Variants in CDH18 observed in about 807,000 individuals in gnomAD.
CDH18 encodes cadherin-18.
Under a neutral mutation model 67.9 loss-of-function variants are expected in CDH18, and 31 were observed. The observed-to-expected ratio is 0.46, with a 90% confidence interval of 0.34 to 0.62. CDH18 has a LOEUF of 0.62. CDH18 is among the 20% of genes least tolerant of loss of function. The probability of loss-of-function intolerance (pLI) is 0.01; values close to 1 mark genes in which losing one functional copy is unlikely to be tolerated. For missense variants in CDH18, 890 were observed against 975.5 expected (o/e 0.91, Z 1.17); for synonymous variants, 362 against 347.2 (o/e 1.04, Z -0.48).
intron 8 of CDH18, among the ~76,000 whole-genome samples, chr5:19,566,118 A>AAAGGT (rs1740346544): frequency 6.6e-6 from 1 of 152,210 alleles, no homozygotes. Context: ...AGACATATAA[A>AAAGGT]AAGGTGCTTA....
chr5:19,916,872 T>C (rs1480137710), intron 2 of CDH18, among the ~76,000 whole-genome samples: 2 of 152,200 alleles, frequency 1.3e-5, no homozygotes, highest in Admixed American at 6.6e-5. Context: ...GCTAAGATTC[T>C]GTTTTATACA....
intron 8 of CDH18, among the ~76,000 whole-genome samples, chr5:19,557,054 G>GA (rs1198712408): frequency 6.6e-6 from 1 of 151,924 alleles, no homozygotes; most frequent in East Asian, 1.9e-4. Context: ...TAAATGAAGG[G>GA]AAAATACAGT....
intron 2 of CDH18, among the ~76,000 whole-genome samples, chr5:20,061,686 G>A (rs1378565051): frequency 1.3e-5 from 2 of 152,082 alleles, no homozygotes; most frequent in African/African-American, 4.8e-5. Flanking sequence ...TAAGACTATA[G>A]GTAAAAATAT....
chr5:20,458,925 T>TA (rs776797854), intron 1 of CDH18, among the ~76,000 whole-genome samples: 4 of 152,190 alleles, frequency 2.6e-5, no homozygotes, highest in Non-Finnish European at 5.9e-5. Flanking sequence ...TGTACGTGTG[T>TA]ATATTAACAC....
intron 11 of CDH18, among the ~76,000 whole-genome samples, chr5:19,495,395 T>C (rs1385799387): frequency 6.6e-6 from 1 of 151,902 alleles, no homozygotes; most frequent in East Asian, 1.9e-4. Flanking sequence ...AAATACGCAG[T>C]TTTTGATCGA....
At chr5:19,891,761 C>T (rs1172195727) in intron 2 of CDH18, among the ~76,000 whole-genome samples, 1 of 152,182 alleles carries the variant, frequency 6.6e-6, no homozygotes, top group Non-Finnish European at 1.5e-5. Flanking sequence ...ATACAAACCT[C>T]CAGCCTGGGC....
In CDH18 at chr5:20,535,684, CTG is replaced by C. The variant is rs140564726; in HGVS notation, c.-580+39776_-580+39777del. 6.1e-3 allele frequency among the ~76,000 whole-genome samples: 930 copies of C among 152,218 alleles called. 5 individuals carry two copies. Among genetic ancestry groups the C allele is most frequent in the Non-Finnish European group, 0.011 (739 of 68,010 alleles). ...CCCTCCCGGCTGCTGGGATCATAAACTGTTTTCAGCTCTCAAAAGTGTTTTAC... is the reference window on the plus strand; with the variant it reads ...CCCTCCCGGCTGCTGGGATCATAAACTTTTCAGCTCTCAAAAGTGTTTTAC... On this transcript the variant is annotated intron_variant, in intron 1 of 14. Transcript: ENST00000507958.
At chr5:19,628,686 T>A (rs1285846988) in intron 5 of CDH18, among the ~76,000 whole-genome samples, 1 of 152,128 alleles carries the variant, frequency 6.6e-6, no homozygotes, top group East Asian at 1.9e-4. Flanking sequence ...ACTCTGAGAT[T>A]ATGTCTCAGA....
intron 2 of CDH18, among the ~76,000 whole-genome samples, chr5:19,883,005 C>G (rs1033053611): frequency 6.6e-6 from 1 of 151,988 alleles, no homozygotes; most frequent in Admixed American, 6.6e-5. Context: ...ATATTTAGCC[C>G]TTTAAAGGAA....
intron 2 of CDH18, among the ~76,000 whole-genome samples, chr5:20,239,901 T>A (rs1197545928): frequency 6.6e-6 from 1 of 151,260 alleles, no homozygotes; most frequent in Non-Finnish European, 1.5e-5. Flanking sequence ...TAAAAAAGTG[T>A]TGAAATAAAA....
chr5:19,811,176 G>T, intron 3 of CDH18, among the ~76,000 whole-genome samples: 1 of 144,196 alleles, frequency 6.9e-6, no homozygotes, highest in Non-Finnish European at 1.5e-5. Flanking sequence ...GAAAGAAAGA[G>T]AAGAAAGAGG....
rs538336911 is a variant in CDH18 at position 19,732,326 on chromosome 5, C to G, written c.524-10860G>C. ...AAAATTATACAGATGTTGTGGCACA[C>G]ACCTGTAGTCCCAGTTAATCAGAAG... On this transcript the variant is annotated intron_variant, in intron 4 of 12. Coordinates refer to ENST00000382275, the MANE Select transcript of CDH18 (RefSeq NM_004934.5). Among the ~76,000 whole-genome samples the G allele has an allele frequency of 6.6e-5, 10 of 151,976 alleles. No homozygotes were observed. In the South Asian group the frequency reaches 1.7e-3, roughly 25 times the overall value.
chr5:20,030,499 T>C (rs1367426960), intron 2 of CDH18, among the ~76,000 whole-genome samples: 3 of 152,150 alleles, frequency 2.0e-5, no homozygotes, highest in Middle Eastern at 3.2e-3. Flanking sequence ...AACAGACAAC[T>C]AGAGTTTTCT....
chr5:19,481,787 C>G (rs1350159554), intron 12 of CDH18, among the ~76,000 whole-genome samples: 1 of 152,158 alleles, frequency 6.6e-6, no homozygotes, highest in Non-Finnish European at 1.5e-5. Context: ...AAGAATACCT[C>G]TTTCTCAGAA....
intron 1 of CDH18, among the ~76,000 whole-genome samples, chr5:20,487,270 C>T (rs1753255164): frequency 6.6e-6 from 1 of 151,546 alleles, no homozygotes; most frequent in Non-Finnish European, 1.5e-5. Context: ...TTTCTGTTTC[C>T]TATGCTGAAT....
intron 2 of CDH18, among the ~76,000 whole-genome samples, chr5:20,032,558 C>T (rs1168524430): frequency 6.6e-6 from 1 of 151,968 alleles, no homozygotes; most frequent in Non-Finnish European, 1.5e-5. Flanking sequence ...TATCATTTTG[C>T]TGCCTTATTA....
At chr5:20,267,927 A>T (rs1745161075) in intron 1 of CDH18, among the ~76,000 whole-genome samples, 1 of 152,166 alleles carries the variant, frequency 6.6e-6, no homozygotes. Flanking sequence ...GCCAATAGGT[A>T]GTTTCTCGGC....
At chr5:19,706,158 G>GTTACGA (rs1468194758) in intron 5 of CDH18, among the ~76,000 whole-genome samples, 1 of 152,114 alleles carries the variant, frequency 6.6e-6, no homozygotes, top group African/African-American at 2.4e-5. Flanking sequence ...AAAATGCTCA[G>GTTACGA]TTACGATTTC....
chr5:19,684,100 T>C (rs1404611935), intron 5 of CDH18, among the ~76,000 whole-genome samples: 2 of 152,162 alleles, frequency 1.3e-5, no homozygotes, highest in African/African-American at 4.8e-5. Context: ...CTATAGTTTC[T>C]AATTGTTTGT....
Sources: gnomAD v4.1 joint callset for allele counts (sites outside exome capture counted in the v4.1 genomes callset) on GRCh38, gnomAD v4.1.1 for gene constraint, MANE v1.5 for transcripts, NCBI Gene and HGNC (gene_info 2026-07-23, HGNC 2026-07-21) for gene names.